RGS3: variants seen among roughly 807,000 people sequenced by gnomAD.
RGS3 encodes regulator of G protein signaling 3.
A neutral mutation model predicts 132.6 loss-of-function variants in RGS3; 80 were observed. The observed-to-expected ratio is 0.60, with a 90% CI of 0.50 to 0.73. The LOEUF is 0.73. Ranked by LOEUF, RGS3 falls within the 30% of genes least tolerant of loss-of-function variation. The pLI is 0.00. For synonymous variants in RGS3, 598 were observed against 620.6 expected, an observed-to-expected ratio of 0.96 and a Z score of 0.54; for missense variants, 1,382 against 1,530.8, an observed-to-expected ratio of 0.90 and a Z score of 1.62.
chr9:113,558,870 C>T (rs1054943199), intron 19 of RGS3, among the ~76,000 whole-genome samples: 3 of 152,230 alleles, frequency 2.0e-5, no homozygotes, highest in African/African-American at 7.2e-5. Context: ...TATCTCACTG[C>T]AGACTGGTAA....
chr9:113,476,376 C>A (rs1829995310), intron 3 of RGS3, among the ~76,000 whole-genome samples: 1 of 152,112 alleles, frequency 6.6e-6, no homozygotes, highest in South Asian at 2.1e-4. Context: ...GGAGACTGGA[C>A]AAGATGACTT....
At chr9:113,522,678 C>T in intron 16 of RGS3, 1 of 498,506 alleles carries the variant, frequency 2.0e-6, no homozygotes. Flanking sequence ...CCACTTTTCC[C>T]CTTCTGTTTG....
intron 8 of RGS3, among the ~76,000 whole-genome samples, chr9:113,496,296 C>A (rs1188353502): frequency 6.6e-6 from 1 of 152,192 alleles, no homozygotes; most frequent in Non-Finnish European, 1.5e-5. Flanking sequence ...CTCTGTGGAG[C>A]TTTCCTTCAG....
rs754142487 is a variant in RGS3, at chr9:113,495,883, A to T, written c.750+37A>T. On this transcript the variant is annotated intron_variant, in intron 8 of 24. Coordinates refer to ENST00000350696, the Ensembl canonical transcript of RGS3. The stretch of plus-strand genomic sequence containing the variant: ...GGATGCTTCTGTCAGGATCATCCCA[A>T]CTGGGCCGGGGCTGGTACAGGCAGA... 10 of 1,569,354 alleles carry T rather than the reference A, an allele frequency of 6.4e-6. No homozygotes were observed. In the South Asian group the frequency reaches 1.1e-4, roughly 17 times the overall value.
intron 19 of RGS3, among the ~76,000 whole-genome samples, chr9:113,563,866 TG>T (rs997335472): frequency 6.6e-6 from 1 of 152,050 alleles, no homozygotes; most frequent in East Asian, 1.9e-4. Flanking sequence ...CCCGAGACCC[TG>T]GGGGGTCTCT....
chr9:113,491,903 T>C (rs1830534406), intron 7 of RGS3, among the ~76,000 whole-genome samples: 1 of 152,240 alleles, frequency 6.6e-6, no homozygotes, highest in Non-Finnish European at 1.5e-5. Context: ...GAGATTCTAC[T>C]TGTGATTTGC....
chr9:113,491,088 ATAACT>A (rs1050146017), intron 7 of RGS3, among the ~76,000 whole-genome samples: 29 of 141,392 alleles, frequency 2.1e-4, no homozygotes, highest in East Asian at 1.8e-3. Context: ...ATAATTATAC[ATAACT>A]TAATTATAAT....
intron 15 of RGS3, among the ~76,000 whole-genome samples, chr9:113,515,159 A>G (rs919812078): frequency 6.6e-6 from 1 of 152,190 alleles, no homozygotes; most frequent in African/African-American, 2.4e-5. Flanking sequence ...TGCTTGAAGA[A>G]AGATAATGAA....
At chr9:113,557,634 G>A (rs774997587) in intron 19 of RGS3, among the ~76,000 whole-genome samples, 1 of 152,204 alleles carries the variant, frequency 6.6e-6, no homozygotes, top group African/African-American at 2.4e-5. Flanking sequence ...AACCAGCATG[G>A]TCCTCACCCC....
intron 7 of RGS3, among the ~76,000 whole-genome samples, chr9:113,487,570 GTCTT>G (rs1459533830): frequency 6.6e-6 from 1 of 152,158 alleles, no homozygotes; most frequent in Non-Finnish European, 1.5e-5. Context: ...GGACCCCAGG[GTCTT>G]TCCTCTCAAC....
chr9:113,544,202 C>T lies in RGS3; in HGVS notation c.2037+7284C>T, dbSNP rs142355281. Among the ~76,000 whole-genome samples the T allele has an allele frequency of 2.7e-3, 406 of 152,158 alleles. 6 individuals are homozygous for T. Among genetic ancestry groups the T allele is most frequent in the African/African-American group, 9.1e-3 (377 of 41,510 alleles). ...CCCAGGAGCTGGGAAGATGGGAGCACAACCATTTATTGTTGGAAAGACCAT... is the reference window on the plus strand; with the variant it reads ...CCCAGGAGCTGGGAAGATGGGAGCATAACCATTTATTGTTGGAAAGACCAT... On this transcript the variant is annotated intron_variant, in intron 19 of 24. Coordinates refer to ENST00000350696, the Ensembl canonical transcript of RGS3.
intron 19 of RGS3, among the ~76,000 whole-genome samples, chr9:113,580,112 C>T (rs1305397306): frequency 6.6e-6 from 1 of 152,274 alleles, no homozygotes. Flanking sequence ...TGCACGCAGT[C>T]CCTGTTCATA....
Position 113,591,399 on chromosome 9 carries a change from T to C in RGS3, c.3080+2T>C, listed in dbSNP as rs1835417705. ...CCGGAAGAGAAAGAGCAAAAACCTG[T>C]ACGTTGGGAAGATCCCTGGCTTCTG... On this transcript the variant is annotated splice_donor_variant, in intron 21 of 24. Transcript: ENST00000350696. LOFTEE classifies it high-confidence loss of function. The surrounding 1 kb of genome is among the most constrained non-coding windows in gnomAD (Gnocchi z 4.4). The C allele has an allele frequency of 1.9e-6, 3 of 1,613,084 alleles. No homozygotes were observed. Among genetic ancestry groups the C allele is most frequent in the Non-Finnish European group, 2.5e-6 (3 of 1,179,526 alleles).
chr9:113,527,217 T>C (rs1371129843), intron 17 of RGS3, among the ~76,000 whole-genome samples: 1 of 152,044 alleles, frequency 6.6e-6, no homozygotes, highest in Non-Finnish European at 1.5e-5. Flanking sequence ...TCTCAGGGAG[T>C]GTTCCCCCAA....
intron 9 of RGS3, among the ~76,000 whole-genome samples, chr9:113,497,767 C>T (rs144584634): frequency 4.6e-5 from 7 of 152,270 alleles, no homozygotes; most frequent in East Asian, 1.9e-4. Flanking sequence ...ACAGACAGGG[C>T]GTTTAGGTCC....
upstream of RGS3, among the ~76,000 whole-genome samples, chr9:113,459,503 G>A (rs111663378): frequency 3.5e-4 from 53 of 152,158 alleles, 1 homozygote; most frequent in African/African-American, 5.3e-4. Context: ...TAATCCCAGC[G>A]CTGTGGGAGG....
chr9:113,541,858 T>C (rs554781156), intron 19 of RGS3: 2 of 987,532 alleles, frequency 2.0e-6, no homozygotes, highest in South Asian at 4.7e-5. Context: ...CCTGTACACA[T>C]TGGCTCATTC....
chr9:113,481,761 G>A (rs1383573878), intron 4 of RGS3, among the ~76,000 whole-genome samples: 3 of 152,190 alleles, frequency 2.0e-5, no homozygotes, highest in Non-Finnish European at 2.9e-5. Context: ...AAAACCAGAC[G>A]TAAGGCTGGG....
chr9:113,552,941 T>G (rs527540985), intron 19 of RGS3, among the ~76,000 whole-genome samples: 17 of 152,290 alleles, frequency 1.1e-4, no homozygotes, highest in African/African-American at 4.1e-4. Context: ...GTAATATACA[T>G]GCACAAAACT....
Sources: allele counts gnomAD v4.1 joint callset (sites outside exome capture counted in the v4.1 genomes callset), GRCh38; gene constraint gnomAD v4.1.1; non-coding constraint Gnocchi (gnomAD v3.1); transcripts MANE v1.5; gene names NCBI Gene and HGNC (gene_info 2026-07-23, HGNC 2026-07-21).